Variants in COL27A1 observed in about 807,000 individuals in gnomAD.
The protein encoded by COL27A1 is collagen alpha-1(XXVII) chain.
Under a neutral mutation model 251.3 loss-of-function variants are expected in COL27A1, and 106 were observed. The ratio of observed to expected loss-of-function variants is 0.42; its 90% CI spans 0.36 to 0.50. The LOEUF (loss-of-function observed/expected upper bound fraction) is 0.50, where lower values mean the gene tolerates loss of function less well. Among genes scored for constraint, COL27A1 ranks in the 20% least tolerant of loss-of-function variants. COL27A1 has a pLI of 0.00. For missense variants in COL27A1, 2,325 were observed against 2,522.8 expected (o/e 0.92, Z 1.68); for synonymous variants, 1,000 against 986.3 (o/e 1.01, Z -0.26).
At chr9:114,175,310 C>T (rs1419175231) in intron 3 of COL27A1, among the ~76,000 whole-genome samples, 2 of 152,254 alleles carry the variant, frequency 1.3e-5, no homozygotes, top group Non-Finnish European at 2.9e-5. Flanking sequence ...AAAATCCCAC[C>T]CCGGCCTCGT....
intron 36 of COL27A1, 177 bp downstream of exon 36, chr9:114,270,958 C>T: frequency 1.7e-6 from 1 of 601,640 alleles, no homozygotes; most frequent in South Asian, 2.0e-5. Context: ...CACCTCCCAC[C>T]CTGCCCTCTG....
Position 114,293,638 on chromosome 9 carries a change from A to C in COL27A1, c.4584+1428A>C, listed in dbSNP as rs138471487. Among the ~76,000 whole-genome samples, 719 of 152,284 alleles carry C rather than the reference A, an allele frequency of 4.7e-3. 6 individuals are homozygous for C. Among genetic ancestry groups the C allele is most frequent in the African/African-American group, 0.017 (686 of 41,550 alleles). On this transcript the variant is annotated intron_variant, in intron 49 of 60. Coordinates refer to ENST00000356083, the MANE Select transcript of COL27A1 (RefSeq NM_032888.4). ...TGCCAGACTAATCAGGAAACAACAAAAACAACAAAAAGGATACAGAAGTTA... is the reference window on the plus strand; with the variant it reads ...TGCCAGACTAATCAGGAAACAACAACAACAACAAAAAGGATACAGAAGTTA...
rs1829380527 is a variant in COL27A1, at chr9:114,310,610, T to C, written c.5498T>C (p.Leu1833Pro). Residue 1833 changes from leucine (L) to proline (P), a missense_variant, in exon 61 of 61, where the codon CTG becomes CCG. Transcript: ENST00000356083. Reference sequence around the variant, plus strand: ...TTCCGGACCCAAGACCCCCAACAGCTGCCCATCATCAGTGTGGACAACCTC... The same window carrying C: ...TTCCGGACCCAAGACCCCCAACAGCCGCCCATCATCAGTGTGGACAACCTC... ...FTFRTQDPQQLPIISVDNLPP... is the reference protein window; with the variant it reads ...FTFRTQDPQQPPIISVDNLPP... The C allele has an allele frequency of 6.2e-7, 1 of 1,614,044 alleles. No homozygotes were observed.
At chr9:114,284,608 C>A in intron 40 of COL27A1, 116 bp from the exon 41 acceptor site, 1 of 1,023,940 alleles carries the variant, frequency 9.8e-7, no homozygotes, top group Non-Finnish European at 1.5e-6. Flanking sequence ...GCCACACAGC[C>A]AGCTGGGGCA....
intron 49 of COL27A1, among the ~76,000 whole-genome samples, chr9:114,295,363 TC>T (rs1828191175): frequency 1.3e-5 from 2 of 152,236 alleles, no homozygotes; most frequent in African/African-American, 4.8e-5. Flanking sequence ...TCAAATTTCT[TC>T]AAATTGGTGT....
intron 57 of COL27A1, 132 bp from the exon 58 acceptor site, chr9:114,306,388 C>T: frequency 1.2e-6 from 1 of 839,186 alleles, no homozygotes; most frequent in Non-Finnish European, 1.8e-6. Flanking sequence ...AAGAGAAACC[C>T]AACCCGTGCT....
At chr9:114,220,984 G>GA (rs1831065579) in intron 13 of COL27A1, among the ~76,000 whole-genome samples, 1 of 127,500 alleles carries the variant, frequency 7.8e-6, no homozygotes, top group African/African-American at 2.9e-5. Context: ...AAGAGAGTGA[G>GA]ACTCTGTCTC....
intron 14 of COL27A1, among the ~76,000 whole-genome samples, chr9:114,228,799 G>A (rs1438568342): frequency 6.6e-6 from 1 of 152,074 alleles, no homozygotes; most frequent in Non-Finnish European, 1.5e-5. Context: ...CTGTTTGATG[G>A]GACCTGAAAG....
In COL27A1 at chr9:114,282,339, C is replaced by A. The variant is rs764002672; in HGVS notation, c.3771+9C>A. ...GCCGCACTGGAGCCAAGGTAGGTGTCCCCTTCTGACTTGATAGGCCTGCGT... is the reference window on the plus strand; with the variant it reads ...GCCGCACTGGAGCCAAGGTAGGTGTACCCTTCTGACTTGATAGGCCTGCGT... On this transcript the variant is annotated intron_variant, in intron 38 of 60. Coordinates refer to ENST00000356083, the MANE Select transcript of COL27A1 (RefSeq NM_032888.4). 38 of 1,613,878 alleles carry A rather than the reference C, an allele frequency of 2.4e-5. No individual in the cohort carries two copies. The highest frequency in any genetic ancestry group is 3.1e-5 in the Non-Finnish European group (36 of 1,179,998).
At chr9:114,264,439 C>T in intron 29 of COL27A1, 31 bp downstream of exon 29, 1 of 1,499,474 alleles carries the variant, frequency 6.7e-7, no homozygotes, top group Non-Finnish European at 9.0e-7. Context: ...CCCTTCCTCA[C>T]TCCTCCGACA....
chr9:114,262,488 C>G (rs1049466541), intron 28 of COL27A1, among the ~76,000 whole-genome samples: 2 of 152,228 alleles, frequency 1.3e-5, no homozygotes, highest in Non-Finnish European at 2.9e-5. Flanking sequence ...TCCTGTGTCC[C>G]TGCCTCTGGG....
intron 12 of COL27A1, among the ~76,000 whole-genome samples, chr9:114,216,423 G>A (rs1454011029): frequency 6.6e-6 from 1 of 152,240 alleles, no homozygotes; most frequent in Non-Finnish European, 1.5e-5. Context: ...GAAGCAGATG[G>A]GGTTGAAGTG....
rs374233950 is a variant in COL27A1, at chr9:114,170,309, G to A, written c.1908+846G>A. Among the ~76,000 whole-genome samples the A allele has an allele frequency of 5.3e-5, 8 of 152,326 alleles. No homozygotes were observed. The East Asian group carries it at 1.3e-3, about 26-fold the overall frequency. The stretch of plus-strand genomic sequence containing the variant: ...GGATGGTCTCAGGGTCGATGCCTCC[G>A]GCTTGCCTGGGACCGTCTCTAGGGG... On this transcript the variant is annotated intron_variant, in intron 3 of 60. Coordinates refer to ENST00000356083, the MANE Select transcript of COL27A1 (RefSeq NM_032888.4).
rs1451543244 is a variant in COL27A1 at position 114,155,918 on chromosome 9, C to T, written c.-33C>T. The T allele has an allele frequency of 4.1e-6, 5 of 1,218,948 alleles. No individual in the cohort carries two copies. The highest frequency in any genetic ancestry group is 5.1e-6 in the Non-Finnish European group (5 of 976,640). 75.5% of individuals were successfully genotyped at this position (1,218,948 alleles called of 1,614,324 possible). A position where few individuals can be genotyped will look rare whatever the true frequency, so the allele number is the denominator to read the frequency against. On this transcript the variant is annotated 5_prime_UTR_variant, in exon 1 of 61. Coordinates refer to ENST00000356083, the MANE Select transcript of COL27A1 (RefSeq NM_032888.4). The surrounding 1 kb of genome is among the most constrained non-coding windows in gnomAD (Gnocchi z 5.5). ...CCATGGGGCGCGCCCACACTTGCCC[C>T]CCGGGCTCGGGAGCATGAAGTAGGG...
chr9:114,178,894 T>C (rs924803089), intron 4 of COL27A1, among the ~76,000 whole-genome samples: 1 of 152,174 alleles, frequency 6.6e-6, no homozygotes, highest in Non-Finnish European at 1.5e-5. Context: ...CCTTCTTTTA[T>C]GCTGCCTTAT....
At chr9:114,211,100 A>G in intron 12 of COL27A1, 74 bp downstream of exon 12, 1 of 1,449,714 alleles carries the variant, frequency 6.9e-7, no homozygotes, top group Non-Finnish European at 9.7e-7. Context: ...TGCCCTGGCC[A>G]CCTGCTGCCT....
chr9:114,210,902 G>A lies in COL27A1; in HGVS notation c.2323-80G>A. 7.6e-6 allele frequency: 11 copies of A among 1,438,812 alleles called. No homozygotes were observed. The Admixed American group carries it at 1.7e-4, about 22-fold the overall frequency. 89.1% of individuals were successfully genotyped at this position (1,438,812 alleles called of 1,614,324 possible). On this transcript the variant is annotated intron_variant, in intron 11 of 60. Coordinates refer to ENST00000356083, the MANE Select transcript of COL27A1 (RefSeq NM_032888.4). The stretch of plus-strand genomic sequence containing the variant: ...CCCTCTGTGACTTCCTGCCGTGGGT[G>A]GCTCTGGGCTGGTTTGGGGCAAGCC...
At chr9:114,232,354 TC>T (rs1832025759) in intron 16 of COL27A1, among the ~76,000 whole-genome samples, 1 of 152,178 alleles carries the variant, frequency 6.6e-6, no homozygotes, top group Non-Finnish European at 1.5e-5. Flanking sequence ...TTGCCATGTA[TC>T]CTCTGTACAG....
chr9:114,254,625 G>A (rs1202347621), intron 27 of COL27A1, among the ~76,000 whole-genome samples: 3 of 152,178 alleles, frequency 2.0e-5, no homozygotes, highest in Non-Finnish European at 4.4e-5. Context: ...TGTCTCCAAA[G>A]TCCAGACTGA....
Sources: gnomAD v4.1 joint callset for allele counts (sites outside exome capture counted in the v4.1 genomes callset) on GRCh38, gnomAD v4.1.1 for gene constraint, Gnocchi (gnomAD v3.1) non-coding constraint, MANE v1.5 for transcripts, NCBI Gene and HGNC (gene_info 2026-07-23, HGNC 2026-07-21) for gene names.